SALL4: variants seen among roughly 807,000 people sequenced by gnomAD.
The protein encoded by SALL4 is sal-like protein 4.
A neutral mutation model predicts 60.8 loss-of-function variants in SALL4; 4 were observed. That is an observed-to-expected ratio of 0.07 (90% confidence interval 0.03 to 0.15). The LOEUF is 0.15. Among genes scored for constraint, SALL4 ranks in the 10% least tolerant of loss-of-function variants. The pLI is 1.00. For synonymous variants in SALL4, 580 were observed against 574.9 expected (o/e 1.01, Z -0.13); for missense variants, 1,178 against 1,394.7 (o/e 0.84, Z 2.48).
At position 51,788,339 on chromosome 20, in the gene SALL4, G is replaced by A. The variant is rs909146903; in HGVS notation, c.2742+522C>T. 5.3e-5 allele frequency among the ~76,000 whole-genome samples: 8 copies of A among 150,750 alleles called. No individual in the cohort carries two copies. The highest frequency in any genetic ancestry group is 1.7e-4 in the African/African-American group (7 of 40,956). On this transcript the variant is annotated intron_variant, in intron 3 of 3. Transcript: ENST00000217086. The surrounding 1 kb of genome is among the most constrained non-coding windows in gnomAD (Gnocchi z 4.1). ...CCAACTAATTTGTGTGTGTGTGTGT[G>A]TGTGTGTGTGTGTGTGTGTAAAGAC...
At chr20:51,794,606 G>A (rs1352846756) in intron 1 of SALL4, among the ~76,000 whole-genome samples, 1 of 152,132 alleles carries the variant, frequency 6.6e-6, no homozygotes, top group Non-Finnish European at 1.5e-5. Flanking sequence ...CAGAGACTCT[G>A]AGAAATAATG....
chr20:51,794,407 G>A (rs1054032582), intron 1 of SALL4, among the ~76,000 whole-genome samples: 16 of 152,158 alleles, frequency 1.1e-4, no homozygotes, highest in African/African-American at 3.9e-4. Flanking sequence ...TATAAACTTA[G>A]CCCAGCGTGG....
chr20:51,791,938 G>C lies in SALL4; in HGVS notation c.545C>G (p.Thr182Ser). The C allele has an allele frequency of 6.2e-7, 1 of 1,614,216 alleles. No individual in the cohort carries two copies. Among genetic ancestry groups the C allele is most frequent in the Non-Finnish European group, 8.5e-7 (1 of 1,180,032 alleles). ...AKGKVANTNV[T>S]LQALRGTKVA... Reference sequence around the variant, plus strand: ...CTTGGTGCCCCGTAGTGCCTGCAAGGTCACATTAGTGTTGGCCACTTTGCC... The same window carrying C: ...CTTGGTGCCCCGTAGTGCCTGCAAGCTCACATTAGTGTTGGCCACTTTGCC... The change falls in exon 2 of 4, where the codon ACC becomes AGC. Residue 182 changes from threonine to serine, a missense_variant. Coordinates refer to ENST00000217086, the MANE Select transcript of SALL4 (RefSeq NM_020436.5). The surrounding 1 kb of genome is among the most constrained non-coding windows in gnomAD (Gnocchi z 4.6).
chr20:51,788,987 G>A lies in SALL4; in HGVS notation c.2616C>T (p.Cys872=). Residue 872 remains cysteine (C), a synonymous_variant, in exon 3 of 4, where the codon TGC becomes TGT. Coordinates refer to ENST00000217086, the MANE Select transcript of SALL4 (RefSeq NM_020436.5). This position sits in a 1 kb window ranked among gnomAD's most constrained non-coding sequence, Gnocchi z 4.1. ...ACGAGAAGTTCTTCCCACACCGTGT[G>A]CAGCCATGTTGCTTGGCCTGTCGGC... ...QPRRQAKQHG[C]TRCGKNFSSA... 6.2e-7 allele frequency: 1 copy of A among 1,614,252 alleles called. No individual in the cohort carries two copies.
Position 51,802,448 on chromosome 20 carries a change from G to C in SALL4, c.-40C>G. ...GGCGCCGGGAGAGCCGCAGTTATTTGCCCTCTCCGCCACAAATTCCTGGAG... is the reference window on the plus strand; with the variant it reads ...GGCGCCGGGAGAGCCGCAGTTATTTCCCCTCTCCGCCACAAATTCCTGGAG... On this transcript the variant is annotated 5_prime_UTR_variant, in exon 1 of 4. Transcript: ENST00000217086. 1.2e-6 allele frequency: 2 copies of C among 1,611,936 alleles called. No individual in the cohort carries two copies. The highest frequency in any genetic ancestry group is 1.7e-6 in the Non-Finnish European group (2 of 1,179,646).
chr20:51,788,011 A>C lies in SALL4; in HGVS notation c.2742+850T>G, dbSNP rs2078004856. On this transcript the variant is annotated intron_variant, in intron 3 of 3. Coordinates refer to ENST00000217086, the MANE Select transcript of SALL4 (RefSeq NM_020436.5). This position sits in a 1 kb window ranked among gnomAD's most constrained non-coding sequence, Gnocchi z 4.1. The stretch of plus-strand genomic sequence containing the variant: ...TAATTTTTATTTTTATTTTGTAGTG[A>C]CAGGGTCTCCTTATGTTACCCAGGC... Among the ~76,000 whole-genome samples the C allele has an allele frequency of 6.6e-6, 1 of 151,794 alleles. No individual in the cohort carries two copies. The highest frequency in any genetic ancestry group is 1.5e-5 in the Non-Finnish European group (1 of 67,982).
rs998382957 is a variant in SALL4, at chr20:51,801,553, C to T, written c.130+726G>A. 2 of 152,330 alleles carry T rather than the reference C, an allele frequency of 1.3e-5. No individual in the cohort carries two copies. Among genetic ancestry groups the T allele is most frequent in the Non-Finnish European group, 1.5e-5 (1 of 68,114 alleles). 9.4% of individuals were successfully genotyped at this position (152,330 alleles called of 1,614,324 possible). A position where few individuals can be genotyped will look rare whatever the true frequency, so the allele number is the denominator to read the frequency against. ...ATCAAAGATGGCTGGAGGTCAGGCCCCGAAAGGTTAGGGCGAAGATCGGCA... is the reference window on the plus strand; with the variant it reads ...ATCAAAGATGGCTGGAGGTCAGGCCTCGAAAGGTTAGGGCGAAGATCGGCA... On this transcript the variant is annotated intron_variant, in intron 1 of 3. Coordinates refer to ENST00000217086, the MANE Select transcript of SALL4 (RefSeq NM_020436.5). This position sits in a 1 kb window ranked among gnomAD's most constrained non-coding sequence, Gnocchi z 5.2.
rs761779101 is a variant in SALL4 at position 51,790,934 on chromosome 20, C to T, written c.1549G>A (p.Gly517Ser). 6.8e-6 allele frequency: 11 copies of T among 1,614,056 alleles called. No individual in the cohort carries two copies. The highest frequency in any genetic ancestry group is 6.8e-6 in the Non-Finnish European group (8 of 1,180,004). The change falls in exon 2 of 4, where the codon GGT (glycine) becomes AGT (serine). Residue 517 changes from glycine (G) to serine (S), a missense_variant. Coordinates refer to ENST00000217086, the MANE Select transcript of SALL4 (RefSeq NM_020436.5). The surrounding 1 kb of genome is among the most constrained non-coding windows in gnomAD (Gnocchi z 5.5). Reference protein sequence around the residue: ...LQPGPSPESEGGPTLPGVGPN... With the variant: ...LQPGPSPESESGPTLPGVGPN... ...CCCACCCCAGGGAGTGTGGGTCCACCCTCACTTTCTGGAGAAGGCCCAGGC... is the reference window on the plus strand; with the variant it reads ...CCCACCCCAGGGAGTGTGGGTCCACTCTCACTTTCTGGAGAAGGCCCAGGC...
In SALL4 at chr20:51,785,651, C is replaced by CT. The variant is rs1247052974; in HGVS notation, c.2743-968dup. ...CAGGGTTAACATTTTTTTTTGAGTCCTTTTTTTTTTGAGACGGAGTCTCGC... is the reference window on the plus strand; with the variant it reads ...CAGGGTTAACATTTTTTTTTGAGTCCTTTTTTTTTTTGAGACGGAGTCTCGC... On this transcript the variant is annotated intron_variant, in intron 3 of 3. Transcript: ENST00000217086. Among the ~76,000 whole-genome samples, 565 of 148,952 alleles carry CT rather than the reference C, an allele frequency of 3.8e-3. 2 individuals carry two copies. Among genetic ancestry groups the CT allele is most frequent in the African/African-American group, 0.012 (489 of 40,628 alleles).
intron 3 of SALL4, among the ~76,000 whole-genome samples, chr20:51,787,659 T>A (rs927756337): frequency 6.6e-6 from 1 of 152,048 alleles, no homozygotes; most frequent in African/African-American, 2.4e-5. Flanking sequence ...TCAGCTTCTT[T>A]TTTTTTTATT....
chr20:51,791,299 C>T lies in SALL4; in HGVS notation c.1184G>A (p.Ser395Asn), dbSNP rs1010416849. ...KYCSKVFGTD[S>N]SLQIHLRSHT... is the part of the protein sequence containing the mutation. ...GGAGCGGAGGTGGATCTGCAAGGAGCTATCAGTCCCAAAAACCTTGCTACA... is the reference window on the plus strand; with the variant it reads ...GGAGCGGAGGTGGATCTGCAAGGAGTTATCAGTCCCAAAAACCTTGCTACA... Residue 395 changes from serine to asparagine, a missense_variant, in exon 2 of 4, where the codon AGC (serine) becomes AAC (asparagine). This residue lies in a region of SALL4 where 853 missense variants were observed against 1,036.8 expected (regional missense o/e 0.82). Coordinates refer to ENST00000217086, the MANE Select transcript of SALL4 (RefSeq NM_020436.5). This position sits in a 1 kb window ranked among gnomAD's most constrained non-coding sequence, Gnocchi z 4.6. 3.1e-6 allele frequency: 5 copies of T among 1,613,988 alleles called. No individual in the cohort carries two copies. The highest frequency in any genetic ancestry group is 2.7e-5 in the African/African-American group (2 of 74,902).
At chr20:51,784,808 C>A in intron 3 of SALL4, 124 bp from the exon 4 acceptor site, 1 of 1,138,010 alleles carries the variant, frequency 8.8e-7, no homozygotes, top group South Asian at 1.3e-5. Flanking sequence ...TGATCCTTGA[C>A]TTACAGCGGG....
At position 51,784,099 on chromosome 20, in the gene SALL4, A is replaced by C; in HGVS notation, c.*166T>G. ...CTTTTTGCAAAGCAGCATAGCAACA[A>C]TCGTGATTGTAGCACTTGCCTGAGG... is the stretch of plus-strand genomic sequence containing the variant. On this transcript the variant is annotated 3_prime_UTR_variant, in exon 4 of 4. Transcript: ENST00000217086. 1 of 754,496 alleles carries C rather than the reference A, an allele frequency of 1.3e-6. No homozygotes were observed. The highest frequency in any genetic ancestry group is 2.2e-6 in the Non-Finnish European group (1 of 458,020). 46.7% of individuals were successfully genotyped at this position (754,496 alleles called of 1,614,324 possible). A position where few individuals can be genotyped will look rare whatever the true frequency, so the allele number is the denominator to read the frequency against.
chr20:51,792,043 G>T lies in SALL4; in HGVS notation c.440C>A (p.Pro147Gln). The change falls in exon 2 of 4, where the codon CCG becomes CAG. Residue 147 changes from proline to glutamine, a missense_variant. Around this residue, in one of 5 missense-constraint regions of SALL4, gnomAD observed 853 missense variants for 1,036.8 expected, o/e 0.82. Coordinates refer to ENST00000217086, the MANE Select transcript of SALL4 (RefSeq NM_020436.5). ...TAGGTACACCACAGACTCCGCATCC[G>T]GCTTCTCCTTCATGTCCTCTGAGCT... ...GGSSEDMKEK[P>Q]DAESVVYLKT... 6.2e-7 allele frequency: 1 copy of T among 1,614,174 alleles called. No individual in the cohort carries two copies. Among genetic ancestry groups the T allele is most frequent in the Non-Finnish European group, 8.5e-7 (1 of 1,180,032 alleles).
rs765122354 is a variant in SALL4, at chr20:51,790,188, C to T, written c.2295G>A (p.Ser765=). The T allele has an allele frequency of 9.3e-6, 15 of 1,614,078 alleles. No homozygotes were observed. Among genetic ancestry groups the T allele is most frequent in the Admixed American group, 1.7e-5 (1 of 60,006 alleles). ...TCTGATACTCCTGGTCTCCCATCAG[C>T]GAGGATGAGTCGTTGGTCAAGCCAT... The part of the protein sequence containing the change: ...ESDGLTNDSS[S]LMGDQEYQSR... Residue 765 remains serine, a synonymous_variant, in exon 2 of 4, where the codon TCG becomes TCA. Coordinates refer to ENST00000217086, the MANE Select transcript of SALL4 (RefSeq NM_020436.5). The surrounding 1 kb of genome is among the most constrained non-coding windows in gnomAD (Gnocchi z 5.5).
chr20:51,798,154 T>C lies in SALL4; in HGVS notation c.130+4125A>G, dbSNP rs149636853. Reference sequence around the variant, plus strand: ...GTCAAAAAGCCTTCAACTCAATTCATAGAAGGCAGATAAGACTTTAAGTTT... The same window carrying C: ...GTCAAAAAGCCTTCAACTCAATTCACAGAAGGCAGATAAGACTTTAAGTTT... On this transcript the variant is annotated intron_variant, in intron 1 of 3. Transcript: ENST00000217086. Among the ~76,000 whole-genome samples, 328 of 152,330 alleles carry C rather than the reference T, an allele frequency of 2.2e-3. 2 individuals are homozygous for C. Among genetic ancestry groups the C allele is most frequent in the African/African-American group, 7.4e-3 (307 of 41,560 alleles).
At position 51,789,034 on chromosome 20, in the gene SALL4, G is replaced by A; in HGVS notation, c.2569C>T (p.Pro857Ser). The change falls in exon 3 of 4, where the codon CCT (proline) becomes TCT (serine). Residue 857 changes from proline (P) to serine (S), a missense_variant. Physicochemically the swap from Pro to Ser is moderately conservative, Grantham distance 74. Around this residue, in one of 5 missense-constraint regions of SALL4, gnomAD observed 853 missense variants for 1,036.8 expected, o/e 0.82. Transcript: ENST00000217086. ...GPSTLSPGMT[P>S]LLAAQPRRQA... The stretch of plus-strand genomic sequence containing the variant: ...CGGCGTGGCTGGGCTGCTAACAAAG[G>A]GGTCATCCCTGGGGACAATGTCGAG... 1 of 1,614,224 alleles carries A rather than the reference G, an allele frequency of 6.2e-7. No homozygotes were observed.
chr20:51,802,222 A>T (rs2078114788), intron 1 of SALL4, 57 bp downstream of exon 1: 28 of 1,530,172 alleles, frequency 1.8e-5, no homozygotes, highest in Non-Finnish European at 2.4e-5. Flanking sequence ...GCCCTCGAGG[A>T]TCCCGCGTAC....
chr20:51,792,753 A>C, intron 1 of SALL4: 5 of 1,097,014 alleles, frequency 4.6e-6, no homozygotes, highest in Non-Finnish European at 5.6e-6. Context: ...ACTGGGGCTT[A>C]CTTACTTTAG....
Sources: allele counts gnomAD v4.1 joint callset (sites outside exome capture counted in the v4.1 genomes callset), GRCh38; gene constraint gnomAD v4.1.1; regional missense constraint gnomAD v4.1.1; non-coding constraint Gnocchi (gnomAD v3.1); transcripts MANE v1.5; gene names NCBI Gene and HGNC (gene_info 2026-07-23, HGNC 2026-07-21).